FAM209A: variants seen among roughly 807,000 people sequenced by gnomAD.
FAM209A encodes family with sequence similarity 209 member A.
FAM209A carries 4 observed loss-of-function variants against 9.8 expected under a neutral mutation model. That is an observed-to-expected ratio of 0.41 (90% confidence interval 0.20 to 0.94). The LOEUF (loss-of-function observed/expected upper bound fraction) is 0.94, where lower values mean the gene tolerates loss of function less well. FAM209A is among the 40% of genes least tolerant of loss of function. FAM209A has a pLI of 0.32. For missense variants in FAM209A, 205 were observed against 209.4 expected (o/e 0.98, Z 0.13); for synonymous variants, 55 against 77.8 (o/e 0.71, Z 1.54).
At chr20:56,530,389 T>G (rs1233234978), downstream of FAM209A, among the ~76,000 whole-genome samples, 1 of 152,232 alleles carries the variant, frequency 6.6e-6, no homozygotes, top group African/African-American at 2.4e-5. Flanking sequence ...TTGGGTTTGC[T>G]GGGTTGATAA....
intron 1 of FAM209A, among the ~76,000 whole-genome samples, chr20:56,525,458 C>T (rs1479582169): frequency 6.6e-6 from 1 of 152,142 alleles, no homozygotes; most frequent in Non-Finnish European, 1.5e-5. Flanking sequence ...GAAATGATAT[C>T]ATTATCCCAA....
At chr20:56,529,169 T>C (rs6069770), downstream of FAM209A, among the ~76,000 whole-genome samples, 102,875 of 151,508 alleles carry the variant, frequency 0.68, 36,404 homozygotes, top group African/African-American at 0.9. Context: ...TATTGTGCCA[T>C]TGCACTACAG....
the FAM209A span, chr20:56,533,154 T>C: frequency 1.4e-6 from 2 of 1,456,736 alleles, no homozygotes; most frequent in Non-Finnish European, 1.8e-6. Flanking sequence ...CCATCTCCCT[T>C]TGAGTCCTCC....
chr20:56,528,427 C>CAAAAAAA (rs34236877), downstream of FAM209A, among the ~76,000 whole-genome samples: 1 of 81,852 alleles, frequency 1.2e-5, no homozygotes. Context: ...ACCCTCTCTA[C>CAAAAAAA]AAAAAAAAAA....
At chr20:56,528,427 CAAAAAAAA>C (rs34236877), downstream of FAM209A, among the ~76,000 whole-genome samples, 17 of 81,838 alleles carry the variant, frequency 2.1e-4, no homozygotes, top group Middle Eastern at 8.2e-3. Flanking sequence ...ACCCTCTCTA[CAAAAAAAA>C]AAAAAAAAAA....
the FAM209A span, among the ~76,000 whole-genome samples, chr20:56,532,423 G>A: frequency 4.7e-4 from 71 of 151,656 alleles, no homozygotes; most frequent in African/African-American, 1.7e-3. Context: ...TTCTATGACA[G>A]TGTGGGCCCA....
rs1171580963 is a variant in FAM209A at position 56,525,896 on chromosome 20, T to C, written c.342T>C (p.Asn114=). Residue 114 remains asparagine (N), a synonymous_variant, in exon 2 of 2, where the codon AAT becomes AAC. Coordinates refer to ENST00000371328, the MANE Select transcript of FAM209A (RefSeq NM_001012971.4). ...NASPNKDCAF[N]TLMELEVELM... is the part of the protein sequence containing the mutation. Reference sequence around the variant, plus strand: ...CCCCCAACAAAGACTGTGCATTCAATACCTTAATGGAACTCGAGGTGGAGC... The same window carrying C: ...CCCCCAACAAAGACTGTGCATTCAACACCTTAATGGAACTCGAGGTGGAGC... 1 of 1,614,230 alleles carries C rather than the reference T, an allele frequency of 6.2e-7. No individual in the cohort carries two copies. Among genetic ancestry groups the C allele is most frequent in the South Asian group, 1.1e-5 (1 of 91,090 alleles).
chr20:56,527,344 G>A (rs1985572909), downstream of FAM209A, among the ~76,000 whole-genome samples: 1 of 152,140 alleles, frequency 6.6e-6, no homozygotes. Flanking sequence ...GGCAACCCAA[G>A]ATGCTCCATG....
chr20:56,529,411 G>A (rs1248180052), downstream of FAM209A, among the ~76,000 whole-genome samples: 1 of 152,078 alleles, frequency 6.6e-6, no homozygotes, highest in Non-Finnish European at 1.5e-5. Context: ...CAGCTACTTG[G>A]GAGGCTGAGG....
chr20:56,528,596 G>A (rs961663667), downstream of FAM209A, among the ~76,000 whole-genome samples: 2 of 151,644 alleles, frequency 1.3e-5, no homozygotes, highest in Non-Finnish European at 1.5e-5. Context: ...GCCAGACCTT[G>A]TGTCCAAAAA....
chr20:56,526,251 C>G (rs140231384), downstream of FAM209A: 293 of 818,212 alleles, frequency 3.6e-4, 1 homozygote, highest in African/African-American at 4.7e-3. Flanking sequence ...GTTTTTGCCT[C>G]TCTCACGTCA....
Position 56,525,900 on chromosome 20 carries a change from T to G in FAM209A, c.346T>G (p.Leu116Val). 1 of 1,614,178 alleles carries G rather than the reference T, an allele frequency of 6.2e-7. No homozygotes were observed. Among genetic ancestry groups the G allele is most frequent in the Non-Finnish European group, 8.5e-7 (1 of 1,180,040 alleles). ...SPNKDCAFNTLMELEVELMKF... is the reference protein window; with the variant it reads ...SPNKDCAFNTVMELEVELMKF... ...CAACAAAGACTGTGCATTCAATACCTTAATGGAACTCGAGGTGGAGCTTAT... is the reference window on the plus strand; with the variant it reads ...CAACAAAGACTGTGCATTCAATACCGTAATGGAACTCGAGGTGGAGCTTAT... Residue 116 changes from leucine (L) to valine (V), a missense_variant, in exon 2 of 2, where the codon TTA becomes GTA. Leu to Val is a conservative substitution (Grantham distance 32). Transcript: ENST00000371328.
downstream of FAM209A, among the ~76,000 whole-genome samples, chr20:56,529,442 T>A (rs1166352311): frequency 2.7e-5 from 4 of 148,750 alleles, no homozygotes; most frequent in East Asian, 4.0e-4. Context: ...GCTTGAACCC[T>A]GGAGGCGGAG....
downstream of FAM209A, among the ~76,000 whole-genome samples, chr20:56,528,815 T>C (rs1985645180): frequency 6.6e-6 from 1 of 152,096 alleles, no homozygotes. Flanking sequence ...CCCTGATGGG[T>C]TCCCCAATCA....
downstream of FAM209A, among the ~76,000 whole-genome samples, chr20:56,527,822 G>A (rs972551247): frequency 2.6e-5 from 4 of 152,186 alleles, no homozygotes; most frequent in Admixed American, 6.5e-5. Flanking sequence ...GGAAGAATAT[G>A]GTGGCTGGGC....
chr20:56,525,000 T>A lies in FAM209A; in HGVS notation c.192T>A (p.Leu64=). 6.2e-7 allele frequency: 1 copy of A among 1,612,472 alleles called. No homozygotes were observed. Among genetic ancestry groups the A allele is most frequent in the Non-Finnish European group, 8.5e-7 (1 of 1,179,112 alleles). Residue 64 remains leucine (L), a synonymous_variant, in exon 1 of 2, where the codon CTT becomes CTA. Transcript: ENST00000371328. ...TTGGGAGCAAATGGCTCTGGCTTCT[T>A]TTTGTTGTTGTGCCGTTTGTGATAC... ...GWLGSKWLWL[L]FVVVPFVILQ...
In FAM209A at chr20:56,526,102, G is replaced by C. The variant is rs374116982; in HGVS notation, c.*32G>C. The C allele has an allele frequency of 6.5e-7, 1 of 1,543,422 alleles. No individual in the cohort carries two copies. Among genetic ancestry groups the C allele is most frequent in the African/African-American group, 1.4e-5 (1 of 72,392 alleles). On this transcript the variant is annotated 3_prime_UTR_variant, in exon 2 of 2. Coordinates refer to ENST00000371328, the MANE Select transcript of FAM209A (RefSeq NM_001012971.4). Reference sequence around the variant, plus strand: ...TTGTGTGTCAGGAGAGAAAAAAGTTGAGTGTTGACAAACTGTATGCAAACT... The same window carrying C: ...TTGTGTGTCAGGAGAGAAAAAAGTTCAGTGTTGACAAACTGTATGCAAACT...
chr20:56,531,978 T>TCTTTTC, the FAM209A span, among the ~76,000 whole-genome samples: 15 of 136,538 alleles, frequency 1.1e-4, no homozygotes, highest in African/African-American at 3.0e-4. Flanking sequence ...TCTTTTCTTT[T>TCTTTTC]TTTTTTTTTT....
At chr20:56,531,974 C>CTTTTTT in the FAM209A span, among the ~76,000 whole-genome samples, 37 of 113,024 alleles carry the variant, frequency 3.3e-4, no homozygotes, top group East Asian at 6.5e-4. Context: ...CTTTTCTTTT[C>CTTTTTT]TTTTTTTTTT....
Sources: gnomAD v4.1 joint callset for allele counts (sites outside exome capture counted in the v4.1 genomes callset) on GRCh38, gnomAD v4.1.1 for gene constraint, MANE v1.5 for transcripts, NCBI Gene and HGNC (gene_info 2026-07-23, HGNC 2026-07-21) for gene names.